EHD4: variants seen among roughly 807,000 people sequenced by gnomAD.
The protein encoded by EHD4 is EH domain-containing protein 4.
In EHD4, 37 loss-of-function variants were observed where a neutral mutation model predicts 51.0. The observed-to-expected ratio is 0.73, with a 90% CI of 0.56 to 0.95. The LOEUF (loss-of-function observed/expected upper bound fraction) is 0.95. EHD4 is among the 40% of genes least tolerant of loss of function. The probability of loss-of-function intolerance (pLI) is 0.00; values close to 1 mark genes in which losing one functional copy is unlikely to be tolerated. For missense variants in EHD4, 632 were observed against 733.1 expected, an observed-to-expected ratio of 0.86 and a Z score of 1.59; for synonymous variants, 297 against 317.3, an observed-to-expected ratio of 0.94 and a Z score of 0.68.
At chr15:41,902,914 T>A (rs759449921) in intron 5 of EHD4, among the ~76,000 whole-genome samples, 2 of 150,900 alleles carry the variant, frequency 1.3e-5, no homozygotes, top group South Asian at 4.2e-4. Flanking sequence ...ACCGCCTGTA[T>A]AAGGAGAAGA....
intron 1 of EHD4, among the ~76,000 whole-genome samples, chr15:41,970,863 A>G (rs2067990895): frequency 6.6e-6 from 1 of 152,184 alleles, no homozygotes; most frequent in South Asian, 2.1e-4. Flanking sequence ...GTACCTAAAA[A>G]CTAGACAGTA....
chr15:41,948,392 A>C (rs1440513417), intron 2 of EHD4, among the ~76,000 whole-genome samples: 1 of 152,080 alleles, frequency 6.6e-6, no homozygotes, highest in Non-Finnish European at 1.5e-5. Flanking sequence ...TCCTGAGCTC[A>C]AGTGATCGGC....
chr15:41,945,270 C>T (rs556065133), intron 2 of EHD4, among the ~76,000 whole-genome samples: 1 of 152,302 alleles, frequency 6.6e-6, no homozygotes, highest in South Asian at 2.1e-4. Context: ...ACAGCCACCC[C>T]CTAGATTCTC....
In EHD4 at chr15:41,909,501, T is replaced by C. The variant is rs376410732; in HGVS notation, c.1089+198A>G. Among the ~76,000 whole-genome samples the C allele has an allele frequency of 5.9e-5, 9 of 152,344 alleles. 1 individual carries two copies. In the South Asian group the frequency reaches 1.9e-3, roughly 32 times the overall value. ...GGAGCTTCATTTACCTTTGGCCATGTGTTTCCTTTGTTTACGCATTTTGGA... is the reference window on the plus strand; with the variant it reads ...GGAGCTTCATTTACCTTTGGCCATGCGTTTCCTTTGTTTACGCATTTTGGA... On this transcript the variant is annotated intron_variant, in intron 5 of 5. Coordinates refer to ENST00000220325, the MANE Select transcript of EHD4 (RefSeq NM_139265.4).
At chr15:41,933,325 T>G (rs1022455465) in intron 3 of EHD4, among the ~76,000 whole-genome samples, 1 of 152,240 alleles carries the variant, frequency 6.6e-6, no homozygotes, top group Non-Finnish European at 1.5e-5. Context: ...TTTTGCTGTT[T>G]CCCTCTCACT....
At chr15:41,936,405 G>A (rs1311250941) in intron 3 of EHD4, among the ~76,000 whole-genome samples, 2 of 152,178 alleles carry the variant, frequency 1.3e-5, no homozygotes. Flanking sequence ...GAGCAAATGA[G>A]TTAATAATAT....
In EHD4 at chr15:41,900,696, G is replaced by C. The variant is rs2067470656; in HGVS notation, c.1575C>G (p.Pro525=). 1.9e-6 allele frequency: 3 copies of C among 1,606,660 alleles called. No homozygotes were observed. The highest frequency in any genetic ancestry group is 2.5e-6 in the Non-Finnish European group (3 of 1,179,202). Residue 525 remains proline (P), a synonymous_variant, in exon 6 of 6, where the codon CCC becomes CCG. Coordinates refer to ENST00000220325, the MANE Select transcript of EHD4 (RefSeq NM_139265.4). This position sits in a 1 kb window ranked among gnomAD's most constrained non-coding sequence, Gnocchi z 4.8. ...TGTGCGAGGGGGGCACGAGGTGGGGGGGCAGGCTGCTGGGCAGCTCGTAGC... is the reference window on the plus strand; with the variant it reads ...TGTGCGAGGGGGGCACGAGGTGGGGCGGCAGGCTGCTGGGCAGCTCGTAGC... The part of the protein sequence containing the change: ...LDGYELPSSL[P]PHLVPPSHRK...
rs763177768 is a variant in EHD4 at position 41,972,408 on chromosome 15, G to A, written c.87C>T (p.Arg29=). 3 of 1,609,534 alleles carry A rather than the reference G, an allele frequency of 1.9e-6. No homozygotes were observed. The highest frequency in any genetic ancestry group is 2.2e-5 in the East Asian group (1 of 44,646). ...DAVQTVTGGL[R]SLYLRKVLPL... is the part of the protein sequence containing the mutation. ...GCAGCACCTTGCGCAGGTAGAGCGAGCGCAGCCCGCCCGTCACCGTCTGCA... is the reference window on the plus strand; with the variant it reads ...GCAGCACCTTGCGCAGGTAGAGCGAACGCAGCCCGCCCGTCACCGTCTGCA... Residue 29 remains arginine, a synonymous_variant, in exon 1 of 6, where the codon CGC becomes CGT. Transcript: ENST00000220325.
intron 1 of EHD4, among the ~76,000 whole-genome samples, chr15:41,970,596 G>A (rs2067988941): frequency 1.3e-5 from 2 of 152,232 alleles, no homozygotes; most frequent in South Asian, 4.1e-4. Context: ...TGATAATCAG[G>A]CTGGCTAGCT....
chr15:41,938,090 G>A (rs533710763), intron 3 of EHD4, among the ~76,000 whole-genome samples: 5 of 152,280 alleles, frequency 3.3e-5, no homozygotes, highest in African/African-American at 4.8e-5. Flanking sequence ...AGTTTGGATC[G>A]TGCCCCGTCA....
intron 4 of EHD4, among the ~76,000 whole-genome samples, chr15:41,912,428 C>A (rs1448997343): frequency 1.3e-5 from 2 of 152,184 alleles, no homozygotes; most frequent in African/African-American, 4.8e-5. Flanking sequence ...GGCACGATGG[C>A]TCATGCCTGT....
chr15:41,901,191 G>A lies in EHD4; in HGVS notation c.1090-10C>T, dbSNP rs370515349. On this transcript the variant is annotated splice_polypyrimidine_tract_variant and intron_variant, in intron 5 of 5. Coordinates refer to ENST00000220325, the MANE Select transcript of EHD4 (RefSeq NM_139265.4). ...AGTTCTCAAGCTGTTCCTGCAGAAGGACAAACCACAGGATGGGTTACATGT... is the reference window on the plus strand; with the variant it reads ...AGTTCTCAAGCTGTTCCTGCAGAAGAACAAACCACAGGATGGGTTACATGT... The A allele has an allele frequency of 1.3e-6, 2 of 1,535,114 alleles. No homozygotes were observed. The highest frequency in any genetic ancestry group is 1.7e-6 in the Non-Finnish European group (2 of 1,142,942).
intron 1 of EHD4, among the ~76,000 whole-genome samples, chr15:41,966,221 C>T (rs184146297): frequency 2.0e-5 from 3 of 152,054 alleles, no homozygotes; most frequent in African/African-American, 7.2e-5. Context: ...CCTCAACCCG[C>T]GCCATCTGGC....
In EHD4 at chr15:41,948,038, C is replaced by T. The variant is rs564905716; in HGVS notation, c.414-4874G>A. Among the ~76,000 whole-genome samples the T allele has an allele frequency of 4.6e-5, 7 of 152,220 alleles. No homozygotes were observed. In the East Asian group the frequency reaches 9.7e-4, roughly 21 times the overall value. ...TTGGGAGGCCAAGGCAGGTGGATCA[C>T]GAGGTCAGGAGTTCAAATCAGCCTG... On this transcript the variant is annotated intron_variant, in intron 2 of 5. Transcript: ENST00000220325.
At chr15:41,931,714 T>C (rs1418768122) in intron 3 of EHD4, among the ~76,000 whole-genome samples, 3 of 151,496 alleles carry the variant, frequency 2.0e-5, no homozygotes, top group Non-Finnish European at 2.9e-5. Context: ...TCTAGCTCTG[T>C]CACCCAGGCT....
At chr15:41,951,239 G>C (rs2067850667) in intron 2 of EHD4, among the ~76,000 whole-genome samples, 1 of 152,154 alleles carries the variant, frequency 6.6e-6, no homozygotes, top group South Asian at 2.1e-4. Context: ...AGGATTTAAA[G>C]CTAATACACA....
chr15:41,932,243 A>C (rs1272754887), intron 3 of EHD4, among the ~76,000 whole-genome samples: 1 of 152,182 alleles, frequency 6.6e-6, no homozygotes, highest in Non-Finnish European at 1.5e-5. Flanking sequence ...ATTTACTATA[A>C]GTGGGAAAAT....
chr15:41,958,119 C>G (rs191180114), intron 1 of EHD4, among the ~76,000 whole-genome samples: 13 of 151,968 alleles, frequency 8.6e-5, no homozygotes, highest in Admixed American at 7.2e-4. Flanking sequence ...TTCAAAGGAA[C>G]AAGAGGACAC....
At chr15:41,956,118 G>A (rs1463135324) in intron 1 of EHD4, among the ~76,000 whole-genome samples, 1 of 152,228 alleles carries the variant, frequency 6.6e-6, no homozygotes, top group Non-Finnish European at 1.5e-5. Flanking sequence ...AGCTTGACAG[G>A]CACTTTGCTC....
Sources: allele counts gnomAD v4.1 joint callset (sites outside exome capture counted in the v4.1 genomes callset), GRCh38; gene constraint gnomAD v4.1.1; non-coding constraint Gnocchi (gnomAD v3.1); transcripts MANE v1.5; gene names NCBI Gene and HGNC (gene_info 2026-07-23, HGNC 2026-07-21).